Variants in GLRX observed in about 807,000 individuals in gnomAD.
GLRX encodes the protein glutaredoxin-1.
A neutral mutation model predicts 11.1 loss-of-function variants in GLRX; 9 were observed. The observed-to-expected ratio is 0.81, with a 90% CI of 0.49 to 1.42. The LOEUF (loss-of-function observed/expected upper bound fraction) is 1.42, where lower values mean the gene tolerates loss of function less well. Ranked by LOEUF, GLRX falls within the 40% of genes most tolerant of loss-of-function variation. The probability of loss-of-function intolerance (pLI) is 0.00; values close to 1 mark genes in which losing one functional copy is unlikely to be tolerated. For synonymous variants in GLRX, 49 were observed against 49.5 expected (o/e 0.99, Z 0.04); for missense variants, 102 against 126.2 (o/e 0.81, Z 0.92).
chr5:95,822,311 G>A (rs1452646241), intron 1 of GLRX, 145 bp downstream of exon 1: 1 of 643,676 alleles, frequency 1.6e-6, no homozygotes. Flanking sequence ...CCTCTCTAAG[G>A]CGCCCTCCCC....
At chr5:95,815,494 AGTT>A (rs1403576330) in intron 2 of GLRX, among the ~76,000 whole-genome samples, 6 of 152,204 alleles carry the variant, frequency 3.9e-5, no homozygotes, top group African/African-American at 1.4e-4. Flanking sequence ...CCAAGAAATG[AGTT>A]ATTAATTAGC....
In GLRX at chr5:95,816,570, A is replaced by G; in HGVS notation, c.264T>C (p.Ser88=). Residue 88 remains serine (S), a synonymous_variant, in exon 2 of 3, where the codon TCT becomes TCC. Coordinates refer to ENST00000237858, the MANE Select transcript of GLRX (RefSeq NM_001118890.2). ...DCIGGCSDLV[S]LQQSGELLTR... ...TCAGCAGTTCCCCACTCTGTTGCAA[A>G]GAGACTAGATCACTGCATCCGCCTA... 6.2e-7 allele frequency: 1 copy of G among 1,611,972 alleles called. No homozygotes were observed. Among genetic ancestry groups the G allele is most frequent in the Non-Finnish European group, 8.5e-7 (1 of 1,178,012 alleles).
chr5:95,819,906 A>AAAC (rs1356422517), intron 1 of GLRX, among the ~76,000 whole-genome samples: 1 of 150,626 alleles, frequency 6.6e-6, no homozygotes, highest in African/African-American at 2.5e-5. Context: ...TCAAAAAAAA[A>AAAC]AAAAAAAAAA....
chr5:95,819,726 C>A (rs1485086385), intron 1 of GLRX, among the ~76,000 whole-genome samples: 1 of 151,818 alleles, frequency 6.6e-6, no homozygotes, highest in African/African-American at 2.4e-5. Flanking sequence ...AGTGAAAACC[C>A]GTCTCTACTA....
intron 2 of GLRX, among the ~76,000 whole-genome samples, chr5:95,815,711 G>A (rs1053879981): frequency 6.6e-6 from 1 of 152,148 alleles, no homozygotes; most frequent in Non-Finnish European, 1.5e-5. Flanking sequence ...AATGTTCATC[G>A]CCCTGTGGTT....
intron 1 of GLRX, 139 bp downstream of exon 1, chr5:95,822,317 T>C: frequency 1.6e-6 from 1 of 629,504 alleles, no homozygotes; most frequent in Non-Finnish European, 2.8e-6. Context: ...TAAGGCGCCC[T>C]CCCCCACACC....
At chr5:95,815,426 T>C (rs899248478) in intron 2 of GLRX, among the ~76,000 whole-genome samples, 1 of 152,200 alleles carries the variant, frequency 6.6e-6, no homozygotes. Flanking sequence ...TTTTCAGACC[T>C]TTTTCCCCCT....
intron 1 of GLRX, chr5:95,819,348 C>T (rs1747128296): frequency 6.6e-6 from 1 of 152,048 alleles, no homozygotes; most frequent in Non-Finnish European, 1.5e-5. Flanking sequence ...GAATGTGTTA[C>T]CAATGGAATC....
At position 95,816,473 on chromosome 5, in the gene GLRX, A is replaced by G. The variant is rs374189098; in HGVS notation, c.*6+34T>C. ...CGACAGAAGAATTCCACGGTCTCCCATGTTCCTGGCCCAGCACCTCACCTG... is the reference window on the plus strand; with the variant it reads ...CGACAGAAGAATTCCACGGTCTCCCGTGTTCCTGGCCCAGCACCTCACCTG... On this transcript the variant is annotated intron_variant, in intron 2 of 2. Transcript: ENST00000237858. The G allele has an allele frequency of 1.0e-4, 100 of 986,470 alleles. No individual in the cohort carries two copies. The African/African-American group carries it at 1.5e-3, about 15-fold the overall frequency. The allele number at this position is 986,470 out of a possible 1,614,324, so 61.1% of individuals were successfully genotyped here.
intron 1 of GLRX, among the ~76,000 whole-genome samples, chr5:95,820,035 A>G (rs745445010): frequency 6.6e-6 from 1 of 152,110 alleles, no homozygotes; most frequent in Non-Finnish European, 1.5e-5. Context: ...GAATTCAAGA[A>G]TCTGTGAAAA....
chr5:95,816,494 A>G lies in GLRX; in HGVS notation c.*6+13T>C. 8.0e-7 allele frequency: 1 copy of G among 1,256,008 alleles called. No individual in the cohort carries two copies. The highest frequency in any genetic ancestry group is 1.2e-6 in the Non-Finnish European group (1 of 853,100). The allele number at this position is 1,256,008 out of a possible 1,614,324, so 77.8% of individuals were successfully genotyped here. A position where few individuals can be genotyped will look rare whatever the true frequency, so the allele number is the denominator to read the frequency against. On this transcript the variant is annotated intron_variant, in intron 2 of 2. Coordinates refer to ENST00000237858, the MANE Select transcript of GLRX (RefSeq NM_001118890.2). ...TCCCATGTTCCTGGCCCAGCACCTCACCTGCCACTCACCTGTGGTTACTGC... is the reference window on the plus strand; with the variant it reads ...TCCCATGTTCCTGGCCCAGCACCTCGCCTGCCACTCACCTGTGGTTACTGC...
chr5:95,822,020 A>C (rs1266272341), intron 1 of GLRX, among the ~76,000 whole-genome samples: 2 of 152,206 alleles, frequency 1.3e-5, no homozygotes, highest in Non-Finnish European at 2.9e-5. Flanking sequence ...AATTAGAAAA[A>C]GAAAGCCTAG....
intron 1 of GLRX, chr5:95,818,841 C>T (rs566099054): frequency 2.0e-5 from 3 of 152,496 alleles, no homozygotes; most frequent in Non-Finnish European, 1.5e-5. Context: ...AGCTCTCAGA[C>T]CTCACCTCCA....
chr5:95,820,914 G>A (rs960445978), intron 1 of GLRX, among the ~76,000 whole-genome samples: 2 of 152,002 alleles, frequency 1.3e-5, no homozygotes, highest in African/African-American at 4.8e-5. Context: ...TCAGGAGTTC[G>A]ACACCAGCCT....
intron 2 of GLRX, among the ~76,000 whole-genome samples, chr5:95,815,992 C>G (rs1746980234): frequency 6.6e-6 from 1 of 152,240 alleles, no homozygotes; most frequent in Non-Finnish European, 1.5e-5. Context: ...CATCCCTTAC[C>G]TGTTGCCACC....
chr5:95,816,671 G>T, intron 1 of GLRX, 45 bp from the exon 2 acceptor site: 1 of 940,304 alleles, frequency 1.1e-6, no homozygotes, highest in South Asian at 1.3e-5. Context: ...TACTAGATTA[G>T]ACAGAACATT....
intron 1 of GLRX, chr5:95,817,931 T>C (rs1037918708): frequency 2.0e-5 from 3 of 152,208 alleles, no homozygotes; most frequent in Non-Finnish European, 2.9e-5. Context: ...TTCATTATTG[T>C]GGATAAGTTC....
At chr5:95,818,828 A>G (rs1191555737) in intron 1 of GLRX, 2 of 152,314 alleles carry the variant, frequency 1.3e-5, no homozygotes, top group East Asian at 3.9e-4. Flanking sequence ...CCAAGCTCCT[A>G]TTAGCTCTCA....
Position 95,822,709 on chromosome 5 carries a change from T to C in GLRX, c.-47A>G. The C allele has an allele frequency of 6.6e-7, 1 of 1,522,362 alleles. No homozygotes were observed. Among genetic ancestry groups the C allele is most frequent in the South Asian group, 1.1e-5 (1 of 88,408 alleles). The allele number at this position is 1,522,362 out of a possible 1,614,324, so 94.3% of individuals were successfully genotyped here. A position where few individuals can be genotyped will look rare whatever the true frequency, so the allele number is the denominator to read the frequency against. On this transcript the variant is annotated 5_prime_UTR_variant, in exon 1 of 3. Transcript: ENST00000237858. ...CGGGAAGAATCCTCAGTTGCAGGTA[T>C]TGCTTGGGGTATTGAGCCCCGACCC...
Sources: allele counts gnomAD v4.1 joint callset (sites outside exome capture counted in the v4.1 genomes callset), GRCh38; gene constraint gnomAD v4.1.1; transcripts MANE v1.5; gene names NCBI Gene and HGNC (gene_info 2026-07-23, HGNC 2026-07-21).